The following CYP4F11 variants were observed in gnomAD, a reference collection of about 807,000 sequenced individuals.
CYP4F11 encodes cytochrome P450 family 4 subfamily F member 11.
A neutral mutation model predicts 62.2 loss-of-function variants in CYP4F11; 79 were observed. The ratio of observed to expected loss-of-function variants is 1.27; its 90% CI spans 1.06 to 1.53. The LOEUF (loss-of-function observed/expected upper bound fraction) is 1.53, where lower values mean the gene tolerates loss of function less well. Ranked by LOEUF, CYP4F11 falls within the 40% of genes most tolerant of loss-of-function variation. The probability of loss-of-function intolerance (pLI) is 0.00; values close to 1 mark genes in which losing one functional copy is unlikely to be tolerated. For synonymous variants in CYP4F11, 290 were observed against 263.7 expected (o/e 1.10, Z -0.97); for missense variants, 777 against 680.5 (o/e 1.14, Z -1.58).
intron 8 of CYP4F11, among the ~76,000 whole-genome samples, chr19:15,920,202 A>G (rs961953119): frequency 6.6e-6 from 1 of 152,222 alleles, no homozygotes; most frequent in African/African-American, 2.4e-5. Flanking sequence ...AAAATTTGTC[A>G]ATTAAAAATA....
intron 8 of CYP4F11, among the ~76,000 whole-genome samples, chr19:15,919,521 T>TAGACAGACAGAC (rs59363861): frequency 6.8e-6 from 1 of 146,074 alleles, no homozygotes; most frequent in African/African-American, 2.5e-5. Context: ...GATAGATAGA[T>TAGACAGACAGAC]AGACAGATAG....
chr19:15,928,301 G>A (rs1378964235), intron 2 of CYP4F11, among the ~76,000 whole-genome samples: 1 of 152,126 alleles, frequency 6.6e-6, no homozygotes, highest in Non-Finnish European at 1.5e-5. Flanking sequence ...TATGATCCCA[G>A]GTGGAAGCAT....
At chr19:15,934,678 C>T (rs2089763511), upstream of CYP4F11, 1 of 399,888 alleles carries the variant, frequency 2.5e-6, no homozygotes, top group Non-Finnish European at 4.4e-6. Context: ...TGGGAGGTTG[C>T]CAGGGGTCCA....
intron 2 of CYP4F11, 144 bp downstream of exon 2, chr19:15,929,313 T>G: frequency 2.7e-6 from 3 of 1,106,456 alleles, no homozygotes; most frequent in Admixed American, 2.1e-5. Context: ...CGTGAATACA[T>G]GAAGGAAAGA....
rs143714626 is a variant in CYP4F11, at chr19:15,913,828, C to T, written c.1479G>A (p.Pro493=). The change falls in exon 12 of 12, where the codon CCG becomes CCA. Residue 493 remains proline (P), a synonymous_variant. Transcript: ENST00000402119. ...GTTTCCTGCGGGGTTCAGTGTGGGT[C>T]GGCAGGATGCGGAAGTGCAGCAGGG... ...ALTLLHFRIL[P]THTEPRRKPE... is the part of the protein sequence containing the mutation. 90 of 1,614,124 alleles carry T rather than the reference C, an allele frequency of 5.6e-5. No homozygotes were observed. The African/African-American group carries it at 1.0e-3, about 18-fold the overall frequency.
intron 6 of CYP4F11, among the ~76,000 whole-genome samples, 182 bp from the exon 7 acceptor site, chr19:15,922,612 C>T (rs2089637595): frequency 1.3e-5 from 2 of 152,192 alleles, no homozygotes; most frequent in South Asian, 2.1e-4. Context: ...TTCCCGCTGG[C>T]TTCTTCACCT....
At chr19:15,933,221 T>C (rs866801795) in intron 1 of CYP4F11, among the ~76,000 whole-genome samples, 22 of 34,256 alleles carry the variant, frequency 6.4e-4, no homozygotes, top group African/African-American at 1.6e-3. Context: ...AATGAGTGAG[T>C]GAGGAGAGGA....
At chr19:15,927,185 C>A (rs773786870) in intron 4 of CYP4F11, 27 bp downstream of exon 4, 1 of 1,609,490 alleles carries the variant, frequency 6.2e-7, no homozygotes. Context: ...AAGGCTCCAG[C>A]TGGGACCCAG....
chr19:15,934,128 A>T (rs1599384893), intron 1 of CYP4F11, 83 bp downstream of exon 1: 1 of 1,489,734 alleles, frequency 6.7e-7, no homozygotes. Context: ...CACCCTCAAA[A>T]CCCAGCTCCC....
chr19:15,924,674 C>T lies in CYP4F11; in HGVS notation c.647+87G>A, dbSNP rs140442107. On this transcript the variant is annotated intron_variant, in intron 5 of 11. Coordinates refer to ENST00000402119, the MANE Select transcript of CYP4F11 (RefSeq NM_021187.4). ...CACAGAAAGTGCCTTCAGAAAGGCA[C>T]TTCTGGTTACCCCGGTCAGCCATCC... is the stretch of plus-strand genomic sequence containing the variant. 4.9e-4 allele frequency: 751 copies of T among 1,537,438 alleles called. 3 individuals are homozygous for T. In the African/African-American group the frequency reaches 9.6e-3, roughly 20 times the overall value.
chr19:15,934,444 A>C lies in CYP4F11; in HGVS notation c.-36T>G, dbSNP rs372546915. 5.6e-6 allele frequency: 9 copies of C among 1,606,924 alleles called. No homozygotes were observed. In the African/African-American group the frequency reaches 1.2e-4, roughly 22 times the overall value. ...AGACGGGATGGAGGGTGGGATCCTG[A>C]GGCCCAGGGAAGGGCCCAGGAAGCT... On this transcript the variant is annotated 5_prime_UTR_variant, in exon 1 of 12. Transcript: ENST00000402119.
At position 15,931,360 on chromosome 19, in the gene CYP4F11, C is replaced by T. The variant is rs564998290; in HGVS notation, c.199-1759G>A. On this transcript the variant is annotated intron_variant, in intron 1 of 11. Coordinates refer to ENST00000402119, the MANE Select transcript of CYP4F11 (RefSeq NM_021187.4). ...TAGACTCAGGAGGCCTCAAGTCCAG[C>T]AGTGGAGAAGGTGCAAATGCCAGGA... is the stretch of plus-strand genomic sequence containing the variant. Among the ~76,000 whole-genome samples the T allele has an allele frequency of 7.2e-5, 11 of 151,964 alleles. No individual in the cohort carries two copies. In the South Asian group the frequency reaches 1.2e-3, roughly 17 times the overall value.
At position 15,927,321 on chromosome 19, in the gene CYP4F11, C is replaced by T. The variant is rs751679898; in HGVS notation, c.416G>A (p.Ser139Asn). 34 of 1,614,174 alleles carry T rather than the reference C, an allele frequency of 2.1e-5. No homozygotes were observed. Among genetic ancestry groups the T allele is most frequent in the Middle Eastern group, 1.6e-4 (1 of 6,062 alleles). ...KPWLGDGLLL[S>N]GGDKWSRHRR... ...GTGGCGGCTCCACTTGTCACCACCA[C>T]TCAGCAGGAGCCCATCCCCTGGCAG... The change falls in exon 4 of 12, where the codon AGT becomes AAT. Residue 139 changes from serine to asparagine, a missense_variant. By Grantham distance (46) the Ser-to-Asn change is conservative. Transcript: ENST00000402119.
chr19:15,912,757 G>GTATATATATA lies in CYP4F11; in HGVS notation c.*974_*975insTATATATATA, dbSNP rs1436794681. 12 of 42,030 alleles carry GTATATATATA rather than the reference G, an allele frequency of 2.9e-4. No individual in the cohort carries two copies. Among genetic ancestry groups the GTATATATATA allele is most frequent in the African/African-American group, 1.4e-3 (12 of 8,340 alleles). 2.6% of individuals were successfully genotyped at this position (42,030 alleles called of 1,614,324 possible). A position where few individuals can be genotyped will look rare whatever the true frequency, so the allele number is the denominator to read the frequency against. ...TGTATATGTATATATGTGTGTGTGT[G>GTATATATATA]TGTGTGTGTGTGTGTATATATATAT... On this transcript the variant is annotated 3_prime_UTR_variant, in exon 12 of 12. Transcript: ENST00000402119.
chr19:15,919,520 A>ATAGATAGATAGATAGG (rs1275003087), intron 8 of CYP4F11, among the ~76,000 whole-genome samples: 2 of 151,176 alleles, frequency 1.3e-5, no homozygotes, highest in South Asian at 2.1e-4. Context: ...AGATAGATAG[A>ATAGATAGATAGATAGG]TAGACAGATA....
chr19:15,913,998 C>A, intron 11 of CYP4F11, 89 bp from the exon 12 acceptor site: 1 of 1,472,628 alleles, frequency 6.8e-7, no homozygotes, highest in Non-Finnish European at 9.2e-7. Context: ...ACCCCAAACG[C>A]ACCCACATAG....
chr19:15,933,821 T>C lies in CYP4F11; in HGVS notation c.198+390A>G, dbSNP rs149689792. Among the ~76,000 whole-genome samples, 2 of 38,872 alleles carry C rather than the reference T, an allele frequency of 5.1e-5. 1 individual carries two copies. Among genetic ancestry groups the C allele is most frequent in the African/African-American group, 1.7e-4 (2 of 12,064 alleles). 25.5% of individuals were successfully genotyped at this position (38,872 alleles called of 152,430 possible). A position where few individuals can be genotyped will look rare whatever the true frequency, so the allele number is the denominator to read the frequency against. On this transcript the variant is annotated intron_variant, in intron 1 of 11. Coordinates refer to ENST00000402119, the MANE Select transcript of CYP4F11 (RefSeq NM_021187.4). ...GTGAGTGAGGAGAAGAATGAGTGAG[T>C]GAGGAGAAGAATGAGTGAGTGAGGA...
intron 8 of CYP4F11, among the ~76,000 whole-genome samples, chr19:15,919,298 A>C (rs8113140): frequency 0.54 from 80,030 of 147,866 alleles, 22,222 homozygotes; most frequent in Non-Finnish European, 0.6. Context: ...CTATTTATAT[A>C]AATAAAATAC....
At position 15,920,628 on chromosome 19, in the gene CYP4F11, A is replaced by G. The variant is rs182207186; in HGVS notation, c.1115+1409T>C. Among the ~76,000 whole-genome samples, 57 of 152,210 alleles carry G rather than the reference A, an allele frequency of 3.7e-4. 1 individual carries two copies. In the East Asian group the frequency reaches 9.8e-3, roughly 26 times the overall value. The stretch of plus-strand genomic sequence containing the variant: ...CTGTCCAGCTCAATGTCTCCTCTCC[A>G]TCCCCAGCTCCTGGCCTGGCTCAGA... On this transcript the variant is annotated intron_variant, in intron 8 of 11. Transcript: ENST00000402119.
Sources: gnomAD v4.1 joint callset for allele counts (sites outside exome capture counted in the v4.1 genomes callset) on GRCh38, gnomAD v4.1.1 for gene constraint, MANE v1.5 for transcripts, NCBI Gene and HGNC (gene_info 2026-07-23, HGNC 2026-07-21) for gene names.